The following PLS1 variants were observed in gnomAD, a reference collection of about 807,000 sequenced individuals.
The protein encoded by PLS1 is plastin 1.
In PLS1, 32 loss-of-function variants were observed where a neutral mutation model predicts 73.7. The observed-to-expected ratio is 0.43, with a 90% confidence interval of 0.33 to 0.58. The LOEUF (loss-of-function observed/expected upper bound fraction) is 0.58. Ranked by LOEUF, PLS1 falls within the 20% of genes least tolerant of loss-of-function variation. The pLI is 0.04. For synonymous variants in PLS1, 217 were observed against 261.3 expected (o/e 0.83, Z 1.63); for missense variants, 633 against 740.5 (o/e 0.85, Z 1.68).
At chr3:142,608,533 T>C (rs1336167588) in intron 1 of PLS1, among the ~76,000 whole-genome samples, 2 of 152,166 alleles carry the variant, frequency 1.3e-5, no homozygotes, top group African/African-American at 4.8e-5. Context: ...AGAGGCTGTG[T>C]CATTTGGTCT....
At chr3:142,662,114 C>T (rs113847264) in intron 1 of PLS1, among the ~76,000 whole-genome samples, 16,779 of 152,144 alleles carry the variant, frequency 0.11, 948 homozygotes, top group East Asian at 0.14. Flanking sequence ...CACATGCACA[C>T]GTATGTTTAT....
chr3:142,683,978 A>G (rs200440574), intron 6 of PLS1, 28 bp from the exon 7 acceptor site: 11 of 1,568,064 alleles, frequency 7.0e-6, no homozygotes, highest in Non-Finnish European at 8.7e-6. Flanking sequence ...GGACTTCCTC[A>G]TGTGTACTTT....
Position 142,664,184 on chromosome 3 carries a change from T to C in PLS1, c.-36-18T>C. 1 of 974,268 alleles carries C rather than the reference T, an allele frequency of 1.0e-6. No homozygotes were observed. The highest frequency in any genetic ancestry group is 1.4e-5 in the South Asian group (1 of 69,254). The allele number at this position is 974,268 out of a possible 1,614,324, so 60.4% of individuals were successfully genotyped here. A position where few individuals can be genotyped will look rare whatever the true frequency, so the allele number is the denominator to read the frequency against. ...TTCCAAAGGCTTCATGCTTTTTTTA[T>C]AATATTGCTTTTTCTAGATATAAAG... is the stretch of plus-strand genomic sequence containing the variant. On this transcript the variant is annotated intron_variant, in intron 1 of 15. Coordinates refer to ENST00000457734, the MANE Select transcript of PLS1 (RefSeq NM_001145319.2).
intron 1 of PLS1, among the ~76,000 whole-genome samples, chr3:142,629,161 A>G (rs1560037639): frequency 6.6e-6 from 1 of 151,944 alleles, no homozygotes; most frequent in Non-Finnish European, 1.5e-5. Context: ...AGAGATAACA[A>G]CTGCTACTTT....
intron 4 of PLS1, 36 bp from the exon 5 acceptor site, chr3:142,676,121 A>G: frequency 6.3e-7 from 1 of 1,591,128 alleles, no homozygotes; most frequent in South Asian, 1.1e-5. Context: ...AAAGTTTGTG[A>G]AATGAGATTT....
intron 1 of PLS1, among the ~76,000 whole-genome samples, chr3:142,611,172 G>A (rs779941757): frequency 6.6e-6 from 1 of 152,056 alleles, no homozygotes; most frequent in East Asian, 1.9e-4. Flanking sequence ...TTTTCTCTTA[G>A]CTGTTTAAGA....
intron 14 of PLS1, among the ~76,000 whole-genome samples, chr3:142,706,722 T>C (rs2038470335): frequency 6.6e-6 from 1 of 151,862 alleles, no homozygotes; most frequent in South Asian, 2.1e-4. Flanking sequence ...GGAATGGAAA[T>C]GGTAAGATTA....
chr3:142,600,892 ATATATATATATATATATATATATATT>A (rs2035902936), intron 1 of PLS1, among the ~76,000 whole-genome samples: 1 of 21,722 alleles, frequency 4.6e-5, no homozygotes, highest in Non-Finnish European at 7.6e-5. Context: ...ATATATATAT[ATATATATATATATATATATATATATT>A]TTTTTTTTTT....
chr3:142,597,144 C>A (rs896162567), intron 1 of PLS1: 1 of 152,188 alleles, frequency 6.6e-6, no homozygotes, highest in East Asian at 1.9e-4. Flanking sequence ...AGGAAGCGGT[C>A]GTTTAGATGA....
chr3:142,668,190 C>T (rs574660945), intron 2 of PLS1, among the ~76,000 whole-genome samples: 1 of 152,240 alleles, frequency 6.6e-6, no homozygotes, highest in African/African-American at 2.4e-5. Flanking sequence ...TGGGCAGAAG[C>T]GTTTTGTGTT....
intron 14 of PLS1, among the ~76,000 whole-genome samples, chr3:142,708,249 A>T (rs1932942353): frequency 6.6e-6 from 1 of 151,748 alleles, no homozygotes; most frequent in African/African-American, 2.4e-5. Context: ...TGTTTATTTT[A>T]TTTATTTATT....
chr3:142,620,197 T>C (rs2036289073), intron 1 of PLS1, among the ~76,000 whole-genome samples: 1 of 151,972 alleles, frequency 6.6e-6, no homozygotes, highest in South Asian at 2.1e-4. Flanking sequence ...CGATCTCGGC[T>C]CACTGCAATC....
At chr3:142,638,655 G>A (rs1268128661) in intron 1 of PLS1, among the ~76,000 whole-genome samples, 3 of 152,192 alleles carry the variant, frequency 2.0e-5, no homozygotes, top group East Asian at 3.8e-4. Flanking sequence ...TTATAACTCT[G>A]TAACAAGGAT....
intron 12 of PLS1, among the ~76,000 whole-genome samples, 183 bp from the exon 13 acceptor site, chr3:142,703,685 A>G (rs1178054235): frequency 2.0e-5 from 3 of 152,196 alleles, no homozygotes; most frequent in Admixed American, 2.0e-4. Flanking sequence ...CAGTGCTTTA[A>G]TATCTTCAAC....
intron 1 of PLS1, among the ~76,000 whole-genome samples, chr3:142,648,119 A>T (rs2036999061): frequency 6.6e-6 from 1 of 152,236 alleles, no homozygotes; most frequent in Admixed American, 6.5e-5. Flanking sequence ...CACAACACCT[A>T]GCACCTTAGA....
intron 1 of PLS1, among the ~76,000 whole-genome samples, chr3:142,601,344 A>G (rs2035925040): frequency 6.6e-6 from 1 of 152,070 alleles, no homozygotes; most frequent in Non-Finnish European, 1.5e-5. Flanking sequence ...CAAATATTAA[A>G]TCCTAGAATT....
At chr3:142,616,842 T>A (rs1439108925) in intron 1 of PLS1, among the ~76,000 whole-genome samples, 3 of 152,160 alleles carry the variant, frequency 2.0e-5, no homozygotes, top group Non-Finnish European at 2.9e-5. Context: ...CCTCAGGTGA[T>A]CCATCAGCCC....
chr3:142,650,401 G>A (rs1033312557), intron 1 of PLS1, among the ~76,000 whole-genome samples: 1 of 151,686 alleles, frequency 6.6e-6, no homozygotes, highest in African/African-American at 2.4e-5. Context: ...GTCTGGTTTT[G>A]GCTTCTTCTT....
At chr3:142,623,290 A>G (rs1163753943) in intron 1 of PLS1, 1 of 152,096 alleles carries the variant, frequency 6.6e-6, no homozygotes, top group Non-Finnish European at 1.5e-5. Flanking sequence ...AATCAAATAG[A>G]ATGATGATGA....
Sources: gnomAD v4.1 joint callset for allele counts (sites outside exome capture counted in the v4.1 genomes callset) on GRCh38, gnomAD v4.1.1 for gene constraint, MANE v1.5 for transcripts, NCBI Gene and HGNC (gene_info 2026-07-23, HGNC 2026-07-21) for gene names.